Variants in SPAG9 observed in about 807,000 individuals in gnomAD.
SPAG9 encodes C-Jun-amino-terminal kinase-interacting protein 4.
SPAG9 carries 35 observed loss-of-function variants against 166.5 expected under a neutral mutation model. The ratio of observed to expected loss-of-function variants is 0.21; its 90% CI spans 0.16 to 0.28. SPAG9 has a LOEUF of 0.28. Among genes scored for constraint, SPAG9 ranks in the 10% least tolerant of loss-of-function variants. The pLI is 1.00. For synonymous variants in SPAG9, 534 were observed against 565.5 expected, an observed-to-expected ratio of 0.94 and a Z score of 0.79; for missense variants, 1,235 against 1,603.3, an observed-to-expected ratio of 0.77 and a Z score of 3.92.
At chr17:51,027,195 G>A (rs1442931653) in intron 6 of SPAG9, among the ~76,000 whole-genome samples, 1 of 152,054 alleles carries the variant, frequency 6.6e-6, no homozygotes, top group African/African-American at 2.4e-5. Context: ...CCTTTGGGAG[G>A]CCAAGACAGG....
rs192510573 is a variant in SPAG9, at chr17:50,964,760, T to C, written c.*1512A>G. The C allele has an allele frequency of 1.3e-3, 578 of 452,752 alleles. 6 individuals carry two copies. Among genetic ancestry groups the C allele is most frequent in the Middle Eastern group, 5.9e-3 (17 of 2,890 alleles). 28.0% of individuals were successfully genotyped at this position (452,752 alleles called of 1,614,324 possible). A position where few individuals can be genotyped will look rare whatever the true frequency, so the allele number is the denominator to read the frequency against. On this transcript the variant is annotated 3_prime_UTR_variant, in exon 30 of 30. Transcript: ENST00000262013. The stretch of plus-strand genomic sequence containing the variant: ...AGACTTTAATCTATTTTTTGCTTGT[T>C]TGTCTGTTTTGAGACAGGGTCTTGC...
chr17:50,989,493 T>TG (rs937820367), intron 21 of SPAG9, 184 bp downstream of exon 21: 16 of 654,624 alleles, frequency 2.4e-5, no homozygotes, highest in Non-Finnish European at 1.4e-5. Context: ...ACAGAAGAAA[T>TG]GGGGGGGAAT....
At chr17:51,032,735 A>G (rs1300258033) in intron 5 of SPAG9, among the ~76,000 whole-genome samples, 1 of 152,066 alleles carries the variant, frequency 6.6e-6, no homozygotes, top group Non-Finnish European at 1.5e-5. Flanking sequence ...CGGGAGTCCA[A>G]GGCCAGCCTG....
chr17:51,058,129 T>C (rs1194673485), intron 2 of SPAG9, among the ~76,000 whole-genome samples: 1 of 152,230 alleles, frequency 6.6e-6, no homozygotes, highest in East Asian at 1.9e-4. Flanking sequence ...AATTGGATGC[T>C]GAGGCTGAAA....
intron 27 of SPAG9, chr17:50,975,989 T>C: frequency 2.9e-6 from 3 of 1,020,378 alleles, no homozygotes; most frequent in Non-Finnish European, 4.4e-6. Context: ...CAGCGTCTTC[T>C]ATCTGGTAAA....
Position 50,990,508 on chromosome 17 carries a change from C to T in SPAG9, c.2559G>A (p.Thr853=), listed in dbSNP as rs772290263. ...TTGTACTAGGGGAAGTGGCAGCTCC[C>T]GTCACACCTTCTGCAGAACAACCAA... The part of the protein sequence containing the change: ...TVVGCSAEGV[T]GAATSPSTNG... The change falls in exon 20 of 30, where the codon ACG becomes ACA. Residue 853 remains threonine, a synonymous_variant. Coordinates refer to ENST00000262013, the MANE Select transcript of SPAG9 (RefSeq NM_001130528.3). 3.7e-6 allele frequency: 6 copies of T among 1,614,168 alleles called. No homozygotes were observed. In the African/African-American group the frequency reaches 5.3e-5, roughly 14 times the overall value.
At chr17:51,010,592 T>C (rs1189087858) in intron 9 of SPAG9, among the ~76,000 whole-genome samples, 2 of 146,318 alleles carry the variant, frequency 1.4e-5, no homozygotes, top group Admixed American at 6.8e-5. Flanking sequence ...AATATATATA[T>C]ATATATATAC....
chr17:51,118,005 G>A (rs906028878), intron 1 of SPAG9, among the ~76,000 whole-genome samples: 3 of 151,738 alleles, frequency 2.0e-5, no homozygotes, highest in East Asian at 1.9e-4. Context: ...TTAGCTGGGC[G>A]GGGTGGCACG....
chr17:51,106,858 C>G (rs536465864), intron 1 of SPAG9, among the ~76,000 whole-genome samples: 30 of 151,784 alleles, frequency 2.0e-4, no homozygotes, highest in Non-Finnish European at 3.2e-4. Flanking sequence ...AATCCTAGCA[C>G]TTTGGGAGGC....
At chr17:51,117,641 G>A (rs1410543797) in intron 1 of SPAG9, among the ~76,000 whole-genome samples, 4 of 148,148 alleles carry the variant, frequency 2.7e-5, no homozygotes, top group Admixed American at 6.8e-5. Context: ...CCCGGGAGGC[G>A]GAGGCTGCAG....
At chr17:51,110,728 C>T (rs1481030870) in intron 1 of SPAG9, among the ~76,000 whole-genome samples, 1 of 152,084 alleles carries the variant, frequency 6.6e-6, no homozygotes, top group Non-Finnish European at 1.5e-5. Flanking sequence ...CTTGGTACTT[C>T]TCTATTACAT....
At chr17:51,107,155 T>C (rs1392156420) in intron 1 of SPAG9, among the ~76,000 whole-genome samples, 1 of 152,002 alleles carries the variant, frequency 6.6e-6, no homozygotes, top group Non-Finnish European at 1.5e-5. Flanking sequence ...TATTTGTTCT[T>C]TCTAAGCATC....
Position 51,079,650 on chromosome 17 carries a change from G to A in SPAG9, c.358C>T (p.Arg120Ter). The A allele has an allele frequency of 1.2e-6, 2 of 1,608,692 alleles. No homozygotes were observed. Among genetic ancestry groups the A allele is most frequent in the Non-Finnish European group, 1.7e-6 (2 of 1,175,254 alleles). Residue 120 changes from arginine to a stop codon, truncating the protein, a stop_gained, in exon 2 of 30, where the codon CGA becomes TGA. Coordinates refer to ENST00000262013, the MANE Select transcript of SPAG9 (RefSeq NM_001130528.3). LOFTEE classifies it high-confidence loss of function. Reference protein sequence around the residue: ...QEQEKKDLQTRVESLESQTRQ... With the variant: ...QEQEKKDLQT Reference sequence around the variant, plus strand: ...GTTTGAGATTCTAAAGATTCCACTCGGGTCTGTAAGTCCTTTTTTTCCTGT... The same window carrying A: ...GTTTGAGATTCTAAAGATTCCACTCAGGTCTGTAAGTCCTTTTTTTCCTGT...
chr17:51,020,226 G>T lies in SPAG9; in HGVS notation c.1024C>A (p.Gln342Lys). Residue 342 changes from glutamine to lysine, a missense_variant, in exon 8 of 30, where the codon CAA becomes AAA. Transcript: ENST00000262013. ...TCAGGAGTAGATTCGATGATTGCTT[G>T]AACTTCTGACTTTTCTTCATTTTCA... is the stretch of plus-strand genomic sequence containing the variant. ...SAENEEKSEVQAIIESTPELD... is the reference protein window; with the variant it reads ...SAENEEKSEVKAIIESTPELD... The T allele has an allele frequency of 6.2e-7, 1 of 1,613,446 alleles. No individual in the cohort carries two copies. Among genetic ancestry groups the T allele is most frequent in the South Asian group, 1.1e-5 (1 of 91,064 alleles).
In SPAG9 at chr17:50,998,485, G is replaced by A. The variant is rs772517418; in HGVS notation, c.1797C>T (p.Leu599=). The stretch of plus-strand genomic sequence containing the variant: ...CAAAGGCTTTGGACTTATCCCCAGG[G>A]AGCTGAGATAAGGTGCTGCTTCTTT... ...VKKRSSTLSQ[L]PGDKSKAFDF... Residue 599 remains leucine (L), a synonymous_variant, in exon 15 of 30, where the codon CTC becomes CTT. Transcript: ENST00000262013. 6.2e-7 allele frequency: 1 copy of A among 1,614,006 alleles called. No individual in the cohort carries two copies. The highest frequency in any genetic ancestry group is 8.5e-7 in the Non-Finnish European group (1 of 1,179,976).
At chr17:51,014,114 A>G in intron 9 of SPAG9, 118 bp downstream of exon 9, 1 of 778,802 alleles carries the variant, frequency 1.3e-6, no homozygotes, top group Non-Finnish European at 1.8e-6. Context: ...ATTACCTAAA[A>G]GGGCAATAAC....
chr17:51,070,751 A>G (rs1345934264), intron 2 of SPAG9, among the ~76,000 whole-genome samples: 2 of 152,184 alleles, frequency 1.3e-5, no homozygotes, highest in Non-Finnish European at 2.9e-5. Flanking sequence ...ACTAGTTGTT[A>G]TGGTTGCATT....
intron 1 of SPAG9, among the ~76,000 whole-genome samples, chr17:51,106,891 C>G (rs975828239): frequency 6.6e-6 from 1 of 151,774 alleles, no homozygotes; most frequent in African/African-American, 2.4e-5. Flanking sequence ...ATCACAAGGT[C>G]AGGAGTTCAA....
intron 8 of SPAG9, among the ~76,000 whole-genome samples, chr17:51,019,465 G>C (rs1376438908): frequency 2.0e-5 from 3 of 152,142 alleles, no homozygotes; most frequent in African/African-American, 4.8e-5. Context: ...GCTGAGGCAG[G>C]AGAATCACCT....
Sources: gnomAD v4.1 joint callset for allele counts (sites outside exome capture counted in the v4.1 genomes callset) on GRCh38, gnomAD v4.1.1 for gene constraint, MANE v1.5 for transcripts, NCBI Gene and HGNC (gene_info 2026-07-23, HGNC 2026-07-21) for gene names.